Variants in KAZN observed in about 807,000 individuals in gnomAD.
The protein encoded by KAZN is kazrin.
A neutral mutation model predicts 87.4 loss-of-function variants in KAZN; 40 were observed. The ratio of observed to expected loss-of-function variants is 0.46; its 90% CI spans 0.36 to 0.60. The LOEUF (loss-of-function observed/expected upper bound fraction) is 0.60. Among genes scored for constraint, KAZN ranks in the 20% least tolerant of loss-of-function variants. The probability of loss-of-function intolerance (pLI) is 0.00; values close to 1 mark genes in which losing one functional copy is unlikely to be tolerated. For synonymous variants in KAZN, 466 were observed against 458.3 expected (o/e 1.02, Z -0.22); for missense variants, 898 against 1,073.9 (o/e 0.84, Z 2.29).
At chr1:14,988,630 G>A (rs769348939) in intron 2 of KAZN, among the ~76,000 whole-genome samples, 9 of 152,230 alleles carry the variant, frequency 5.9e-5, no homozygotes, top group African/African-American at 1.4e-4. Context: ...TGAAAAGTCC[G>A]TCCAGCCAGC....
intron 1 of KAZN, among the ~76,000 whole-genome samples, chr1:14,082,322 CT>C (rs1015966567): frequency 6.6e-6 from 1 of 152,172 alleles, no homozygotes; most frequent in African/African-American, 2.4e-5. Flanking sequence ...TGCATGTCCT[CT>C]TCTTAAAGGA....
chr1:14,428,004 T>C (rs1376226518), intron 2 of KAZN, among the ~76,000 whole-genome samples: 1 of 152,178 alleles, frequency 6.6e-6, no homozygotes, highest in African/African-American at 2.4e-5. Flanking sequence ...GCCAGGTTGC[T>C]TGAGCTGGAA....
At chr1:14,369,493 G>T (rs1262100285) in intron 2 of KAZN, among the ~76,000 whole-genome samples, 2 of 152,180 alleles carry the variant, frequency 1.3e-5, no homozygotes, top group African/African-American at 4.8e-5. Flanking sequence ...TTGTGAAGCG[G>T]CTTCTCCATC....
At chr1:14,134,558 T>C (rs1467431902) in intron 1 of KAZN, among the ~76,000 whole-genome samples, 1 of 152,214 alleles carries the variant, frequency 6.6e-6, no homozygotes, top group Admixed American at 6.5e-5. Flanking sequence ...TCTTGGCTAT[T>C]ATCCTAGGAC....
At chr1:14,508,558 C>G (rs1388971260) in intron 2 of KAZN, among the ~76,000 whole-genome samples, 4 of 152,140 alleles carry the variant, frequency 2.6e-5, no homozygotes, top group African/African-American at 7.2e-5. Context: ...ATGGCCTCAT[C>G]ATAGCAGCAA....
At chr1:14,709,738 T>A (rs550098973) in intron 1 of KAZN, among the ~76,000 whole-genome samples, 2 of 152,226 alleles carry the variant, frequency 1.3e-5, no homozygotes, top group African/African-American at 2.4e-5. Context: ...GTTGTTCCTG[T>A]CCTCCCCATC....
chr1:13,999,384 AAC>A (rs1639681378), intron 1 of KAZN, among the ~76,000 whole-genome samples: 1 of 151,792 alleles, frequency 6.6e-6, no homozygotes, highest in African/African-American at 2.4e-5. Context: ...CAAAAAAACA[AAC>A]AAAAAAAACC....
chr1:13,897,175 C>T (rs1359002878), intron 1 of KAZN, among the ~76,000 whole-genome samples: 1 of 151,990 alleles, frequency 6.6e-6, no homozygotes, highest in Non-Finnish European at 1.5e-5. Flanking sequence ...ATTTTGTCTG[C>T]GGCTGCTTTT....
chr1:14,445,831 T>C (rs760159317), intron 2 of KAZN, among the ~76,000 whole-genome samples: 1 of 152,122 alleles, frequency 6.6e-6, no homozygotes, highest in Non-Finnish European at 1.5e-5. Context: ...CATTTGTCTC[T>C]AGCGCAGGCT....
chr1:14,874,636 G>A (rs769560923), intron 1 of KAZN, among the ~76,000 whole-genome samples: 19 of 152,194 alleles, frequency 1.2e-4, no homozygotes, highest in Non-Finnish European at 2.6e-4. Flanking sequence ...CACTCCGTGT[G>A]CCAGAACCAA....
At chr1:15,017,312 T>C (rs1011660253) in intron 2 of KAZN, among the ~76,000 whole-genome samples, 1 of 152,028 alleles carries the variant, frequency 6.6e-6, no homozygotes, top group African/African-American at 2.4e-5. Flanking sequence ...AAAAAGACCT[T>C]ATCTGTCTTA....
At chr1:14,588,599 G>C (rs1675998032) in intron 2 of KAZN, among the ~76,000 whole-genome samples, 1 of 152,184 alleles carries the variant, frequency 6.6e-6, no homozygotes, top group African/African-American at 2.4e-5. Flanking sequence ...CTGAGAGAAG[G>C]GGGCAAATAT....
intron 1 of KAZN, among the ~76,000 whole-genome samples, chr1:13,972,320 C>G (rs2101052420): frequency 6.8e-6 from 1 of 147,786 alleles, no homozygotes; most frequent in South Asian, 2.1e-4. Context: ...TTCACCCAGG[C>G]CGGAGTGCAG....
At chr1:14,179,376 T>A (rs1646149027) in intron 1 of KAZN, among the ~76,000 whole-genome samples, 1 of 152,268 alleles carries the variant, frequency 6.6e-6, no homozygotes, top group South Asian at 2.1e-4. Flanking sequence ...ACTTGCTTTT[T>A]CATATTTTCT....
At position 14,953,087 on chromosome 1, in the gene KAZN, C is replaced by T. The variant is rs533672299; in HGVS notation, c.227-7597C>T. Among the ~76,000 whole-genome samples the T allele has an allele frequency of 4.6e-5, 7 of 152,360 alleles. No homozygotes were observed. The East Asian group carries it at 5.8e-4, about 13-fold the overall frequency. On this transcript the variant is annotated intron_variant, in intron 1 of 14. Coordinates refer to ENST00000376030, the MANE Select transcript of KAZN (RefSeq NM_201628.3). ...CTGCACTGCGTGCCTCCCAAGAACACGGCACAGAGCATGGTGTCGGGTGTT... is the reference window on the plus strand; with the variant it reads ...CTGCACTGCGTGCCTCCCAAGAACATGGCACAGAGCATGGTGTCGGGTGTT...
intron 1 of KAZN, among the ~76,000 whole-genome samples, chr1:14,780,785 T>C (rs1486056118): frequency 6.6e-6 from 1 of 152,232 alleles, no homozygotes; most frequent in African/African-American, 2.4e-5. Flanking sequence ...GTAGGGACAA[T>C]GACTGATGAT....
chr1:15,041,187 C>T lies in KAZN; in HGVS notation c.556-2802C>T, dbSNP rs201786806. On this transcript the variant is annotated intron_variant, in intron 3 of 14. Coordinates refer to ENST00000376030, the MANE Select transcript of KAZN (RefSeq NM_201628.3). ...ATGTTGGCCAGGCTGGTCTCGAGCT[C>T]CTGACCTCAAGTGATCTGCCCTCCT... Among the ~76,000 whole-genome samples the T allele has an allele frequency of 1.6e-4, 24 of 151,438 alleles. No homozygotes were observed. In the East Asian group the frequency reaches 4.3e-3, roughly 27 times the overall value.
intron 2 of KAZN, among the ~76,000 whole-genome samples, chr1:14,978,938 T>C (rs2101884452): frequency 6.6e-6 from 1 of 152,126 alleles, no homozygotes; most frequent in South Asian, 2.1e-4. Flanking sequence ...GGAGTCTTGC[T>C]GTGTCACCCA....
At chr1:14,672,140 C>T (rs1407672347) in intron 1 of KAZN, among the ~76,000 whole-genome samples, 1 of 151,888 alleles carries the variant, frequency 6.6e-6, no homozygotes, top group Admixed American at 6.6e-5. Flanking sequence ...CAGAATTTGT[C>T]TAATGTGCGT....
Sources: gnomAD v4.1 joint callset for allele counts (sites outside exome capture counted in the v4.1 genomes callset) on GRCh38, gnomAD v4.1.1 for gene constraint, MANE v1.5 for transcripts, NCBI Gene and HGNC (gene_info 2026-07-23, HGNC 2026-07-21) for gene names.